Variants in NOL4 observed in about 807,000 individuals in gnomAD.
NOL4 encodes the protein nucleolar protein 4, also known as cancer/testis antigen 125.
NOL4 carries 17 observed loss-of-function variants against 75.9 expected under a neutral mutation model. That is an observed-to-expected ratio of 0.22 (90% CI 0.15 to 0.34). The LOEUF is 0.34. NOL4 is among the 10% of genes least tolerant of loss of function. NOL4 has a pLI of 1.00. For synonymous variants in NOL4, 292 were observed against 289.9 expected (o/e 1.01, Z -0.07); for missense variants, 614 against 793.5 (o/e 0.77, Z 2.72).
At chr18:33,893,248 T>C (rs2065204669) in intron 9 of NOL4, among the ~76,000 whole-genome samples, 1 of 152,146 alleles carries the variant, frequency 6.6e-6, no homozygotes, top group South Asian at 2.1e-4. Flanking sequence ...GGGTGATATT[T>C]ACAGATTAAG....
intron 1 of NOL4, among the ~76,000 whole-genome samples, chr18:34,183,030 T>C (rs879425561): frequency 6.6e-6 from 1 of 151,790 alleles, no homozygotes; most frequent in Non-Finnish European, 1.5e-5. Flanking sequence ...AAAAATATCA[T>C]TTGTGAAAGA....
chr18:33,876,796 A>G lies in NOL4; in HGVS notation c.1723+6448T>C, dbSNP rs535890171. 3.7e-4 allele frequency among the ~76,000 whole-genome samples: 56 copies of G among 152,166 alleles called. 1 individual carries two copies. Among genetic ancestry groups the G allele is most frequent in the Middle Eastern group, 6.8e-3 (2 of 294 alleles). On this transcript the variant is annotated intron_variant, in intron 10 of 10. Transcript: ENST00000261592. ...TGTGATTAAAACAAGCAAAAACTAA[A>G]CAAACAAAAGTAAAAGAGCAGGAGA...
At chr18:33,945,448 T>C (rs752807212) in intron 8 of NOL4, among the ~76,000 whole-genome samples, 66 of 151,830 alleles carry the variant, frequency 4.3e-4, no homozygotes, top group Non-Finnish European at 5.9e-4. Flanking sequence ...TTCAAATTCT[T>C]ATTAATTTTT....
intron 1 of NOL4, among the ~76,000 whole-genome samples, chr18:34,168,997 T>C (rs2032735781): frequency 6.6e-6 from 1 of 151,870 alleles, no homozygotes; most frequent in East Asian, 1.9e-4. Context: ...TTTTCAGACA[T>C]ACAAAGCTAA....
At position 33,923,424 on chromosome 18, in the gene NOL4, G is replaced by A. The variant is rs148747249; in HGVS notation, c.1542+19641C>T. ...TTTTATACATATTAACAGTTTATCT[G>A]AGTGTTTAGATATTATGTATTATTA... is the stretch of plus-strand genomic sequence containing the variant. On this transcript the variant is annotated intron_variant, in intron 9 of 10. Transcript: ENST00000261592. Among the ~76,000 whole-genome samples, 960 of 151,938 alleles carry A rather than the reference G, an allele frequency of 6.3e-3. 6 individuals are homozygous for A. Among genetic ancestry groups the A allele is most frequent in the Non-Finnish European group, 0.01 (711 of 67,866 alleles).
At chr18:33,926,337 C>T (rs373349947) in intron 9 of NOL4, among the ~76,000 whole-genome samples, 60 of 109,302 alleles carry the variant, frequency 5.5e-4, no homozygotes, top group South Asian at 1.6e-3. Context: ...TCCAAAATGG[C>T]GACAGAGGAA....
intron 8 of NOL4, among the ~76,000 whole-genome samples, chr18:33,943,736 T>C (rs2068653171): frequency 6.6e-6 from 1 of 151,962 alleles, no homozygotes; most frequent in African/African-American, 2.4e-5. Flanking sequence ...ATGATTTTTA[T>C]ATATTAAAGG....
chr18:33,868,202 A>G (rs1599680502), intron 10 of NOL4, among the ~76,000 whole-genome samples: 1 of 147,110 alleles, frequency 6.8e-6, no homozygotes, highest in African/African-American at 2.5e-5. Context: ...ACACCTGGGC[A>G]CCTGGGTAAT....
intron 1 of NOL4, among the ~76,000 whole-genome samples, chr18:34,155,480 A>G (rs889971805): frequency 6.6e-6 from 1 of 152,052 alleles, no homozygotes; most frequent in African/African-American, 2.4e-5. Flanking sequence ...ATGCACTGTT[A>G]GGTGATTTCC....
chr18:34,015,686 T>C (rs1039575797), intron 6 of NOL4, among the ~76,000 whole-genome samples: 1 of 152,038 alleles, frequency 6.6e-6, no homozygotes, highest in Non-Finnish European at 1.5e-5. Context: ...AAAATGTCTC[T>C]CTCTCTCCAT....
At chr18:33,872,628 A>G (rs2063753256) in intron 10 of NOL4, among the ~76,000 whole-genome samples, 1 of 151,986 alleles carries the variant, frequency 6.6e-6, no homozygotes, top group African/African-American at 2.4e-5. Context: ...GTCCAACTGA[A>G]ACTTCTGTGA....
chr18:34,087,705 G>A (rs1214313717), intron 5 of NOL4, among the ~76,000 whole-genome samples: 1 of 151,900 alleles, frequency 6.6e-6, no homozygotes, highest in Admixed American at 6.6e-5. Context: ...AAGGATCCAA[G>A]TGAGTTACCT....
At chr18:34,148,303 G>C (rs2081496493) in intron 1 of NOL4, among the ~76,000 whole-genome samples, 1 of 152,076 alleles carries the variant, frequency 6.6e-6, no homozygotes, top group Non-Finnish European at 1.5e-5. Flanking sequence ...TAATTGTGAT[G>C]TTAGGGTGTC....
chr18:34,121,227 T>C (rs879512399), intron 2 of NOL4: 2 of 152,204 alleles, frequency 1.3e-5, no homozygotes, highest in East Asian at 3.9e-4. Context: ...AAGACACAAG[T>C]ACTTACATGG....
chr18:33,991,617 A>C (rs2146113619), intron 6 of NOL4, among the ~76,000 whole-genome samples: 1 of 152,124 alleles, frequency 6.6e-6, no homozygotes, highest in South Asian at 2.1e-4. Flanking sequence ...TAAATGGATC[A>C]ATGCATCAGA....
At chr18:33,979,055 C>T (rs1388731575) in intron 6 of NOL4, among the ~76,000 whole-genome samples, 2 of 151,916 alleles carry the variant, frequency 1.3e-5, no homozygotes, top group African/African-American at 2.4e-5. Flanking sequence ...GAAACACAGA[C>T]TATTTTACTT....
intron 5 of NOL4, among the ~76,000 whole-genome samples, chr18:34,089,399 A>G (rs986138745): frequency 3.0e-4 from 45 of 152,350 alleles, no homozygotes; most frequent in African/African-American, 1.0e-3. Context: ...GACACATTCA[A>G]CCAATGGCTG....
At chr18:34,002,251 C>A (rs1464209760) in intron 6 of NOL4, among the ~76,000 whole-genome samples, 1 of 151,972 alleles carries the variant, frequency 6.6e-6, no homozygotes, top group Non-Finnish European at 1.5e-5. Flanking sequence ...TTTTCAGACT[C>A]ATTTTTTTCC....
intron 2 of NOL4, among the ~76,000 whole-genome samples, chr18:34,107,736 G>A (rs954280217): frequency 2.0e-5 from 3 of 150,796 alleles, no homozygotes; most frequent in South Asian, 2.1e-4. Context: ...AGGCCTATTC[G>A]AAATTAAGAG....
Sources: gnomAD v4.1 joint callset for allele counts (sites outside exome capture counted in the v4.1 genomes callset) on GRCh38, gnomAD v4.1.1 for gene constraint, MANE v1.5 for transcripts, NCBI Gene and HGNC (gene_info 2026-07-23, HGNC 2026-07-21) for gene names.